GTF2E2: variants seen among roughly 807,000 people sequenced by gnomAD.
The protein encoded by GTF2E2 is transcription initiation factor IIE subunit beta.
A neutral mutation model predicts 40.5 loss-of-function variants in GTF2E2; 21 were observed. That is an observed-to-expected ratio of 0.52 (90% CI 0.37 to 0.75). The LOEUF is 0.75. Among genes scored for constraint, GTF2E2 ranks in the 30% least tolerant of loss-of-function variants. GTF2E2 has a pLI of 0.00. For synonymous variants in GTF2E2, 117 were observed against 121.6 expected (o/e 0.96, Z 0.25); for missense variants, 298 against 338.4 (o/e 0.88, Z 0.94).
At chr8:30,593,962 GCT>G (rs1828921362) in intron 6 of GTF2E2, among the ~76,000 whole-genome samples, 9 of 151,934 alleles carry the variant, frequency 5.9e-5, no homozygotes, top group Admixed American at 4.6e-4. Context: ...ATGGAGTCTT[GCT>G]CTGTCACCCA....
At chr8:30,618,409 A>G (rs10955031) in intron 3 of GTF2E2, among the ~76,000 whole-genome samples, 51,401 of 151,938 alleles carry the variant, frequency 0.34, 8,751 homozygotes, top group African/African-American at 0.4. Context: ...GGACATCCAC[A>G]TTTCCAATCG....
intron 6 of GTF2E2, among the ~76,000 whole-genome samples, chr8:30,599,642 A>T (rs1829115876): frequency 6.6e-6 from 1 of 152,016 alleles, no homozygotes; most frequent in Admixed American, 6.6e-5. Flanking sequence ...GCCAGAAAAA[A>T]TTGTTTTAGA....
At chr8:30,642,925 T>C (rs1008317820) in intron 2 of GTF2E2, among the ~76,000 whole-genome samples, 3 of 152,316 alleles carry the variant, frequency 2.0e-5, no homozygotes, top group Admixed American at 2.0e-4. Flanking sequence ...TTTTAAGCAG[T>C]TCACTTATAC....
rs144658063 is a variant in GTF2E2, at chr8:30,588,501, G to A, written c.644-8105C>T. On this transcript the variant is annotated intron_variant, in intron 6 of 7. Transcript: ENST00000355904. ...AAAAACCGCATGTTTTCACCTCTAC[G>A]TGGAATCTAAAACAATCAGAACTCA... 4.0e-3 allele frequency among the ~76,000 whole-genome samples: 606 copies of A among 152,276 alleles called. 9 individuals are homozygous for A. Among genetic ancestry groups the A allele is most frequent in the Non-Finnish European group, 4.4e-3 (299 of 68,024 alleles).
chr8:30,646,275 T>C (rs13253760), intron 2 of GTF2E2, among the ~76,000 whole-genome samples: 51,490 of 151,932 alleles, frequency 0.34, 8,744 homozygotes, highest in African/African-American at 0.4. Flanking sequence ...CTTCATTTCC[T>C]GAGTTTGTTC....
intron 4 of GTF2E2, 26 bp downstream of exon 4, chr8:30,614,582 C>G (rs1276091815): frequency 8.3e-7 from 1 of 1,206,904 alleles, no homozygotes; most frequent in African/African-American, 1.5e-5. Flanking sequence ...CAGGAAATCT[C>G]TCTTGATAAT....
At chr8:30,609,887 A>G (rs1056534185) in intron 5 of GTF2E2, among the ~76,000 whole-genome samples, 1 of 152,158 alleles carries the variant, frequency 6.6e-6, no homozygotes, top group Admixed American at 6.5e-5. Context: ...CCGGCCATGT[A>G]AGATGAGCCT....
intron 3 of GTF2E2, among the ~76,000 whole-genome samples, chr8:30,633,855 G>A (rs1801509535): frequency 6.6e-6 from 1 of 151,962 alleles, no homozygotes; most frequent in African/African-American, 2.4e-5. Context: ...TTTAATAATG[G>A]GGAGTTATAT....
intron 2 of GTF2E2, among the ~76,000 whole-genome samples, chr8:30,647,456 C>A (rs1306685765): frequency 6.6e-6 from 1 of 152,076 alleles, no homozygotes. Context: ...GGGAATGGGG[C>A]CCCTGTAATC....
At chr8:30,583,282 T>C (rs1828564746) in intron 6 of GTF2E2, among the ~76,000 whole-genome samples, 1 of 152,208 alleles carries the variant, frequency 6.6e-6, no homozygotes, top group African/African-American at 2.4e-5. Flanking sequence ...TGCAGTGAGC[T>C]GAGACTGTGC....
chr8:30,612,697 C>G (rs1178890322), intron 4 of GTF2E2, among the ~76,000 whole-genome samples: 1 of 152,074 alleles, frequency 6.6e-6, no homozygotes. Context: ...CAGGTGCGCA[C>G]CACCACACCC....
intron 3 of GTF2E2, among the ~76,000 whole-genome samples, chr8:30,617,892 C>G (rs551431127): frequency 1.3e-5 from 2 of 152,280 alleles, no homozygotes; most frequent in Non-Finnish European, 2.9e-5. Context: ...AGCTATAGTA[C>G]AGCAGTGGTC....
chr8:30,620,910 CAG>C (rs1406592027), intron 3 of GTF2E2, among the ~76,000 whole-genome samples: 1 of 148,428 alleles, frequency 6.7e-6, no homozygotes, highest in Non-Finnish European at 1.5e-5. Context: ...GCCTGGGAAA[CAG>C]AGTGATATTA....
chr8:30,601,858 G>A (rs556237541), intron 6 of GTF2E2, among the ~76,000 whole-genome samples: 2 of 152,190 alleles, frequency 1.3e-5, no homozygotes, highest in South Asian at 4.1e-4. Context: ...TTAAGGAAGA[G>A]ACCAGTTATG....
chr8:30,617,644 T>C (rs1800959689), intron 3 of GTF2E2, among the ~76,000 whole-genome samples: 1 of 151,742 alleles, frequency 6.6e-6, no homozygotes, highest in Admixed American at 6.6e-5. Flanking sequence ...CCCAGTTCCT[T>C]GGCAGGCTGT....
In GTF2E2 at chr8:30,580,388, T is replaced by G; in HGVS notation, c.652A>C (p.Lys218Gln). The G allele has an allele frequency of 6.5e-7, 1 of 1,530,250 alleles. No homozygotes were observed. The highest frequency in any genetic ancestry group is 9.1e-7 in the Non-Finnish European group (1 of 1,103,570). The allele number at this position is 1,530,250 out of a possible 1,614,324, so 94.8% of individuals were successfully genotyped here. A position where few individuals can be genotyped will look rare whatever the true frequency, so the allele number is the denominator to read the frequency against. The change falls in exon 7 of 8, where the codon AAA becomes CAA. Residue 218 changes from lysine (K) to glutamine (Q), a missense_variant. Lys to Gln is a moderately conservative substitution (Grantham distance 53, BLOSUM62 1). Transcript: ENST00000355904. ...TCTACAGTGACACTCCTCCACAGTT[T>G]CTGAAATTCTGTATCAAACAGACAC... is the stretch of plus-strand genomic sequence containing the variant. The part of the protein sequence containing the change: ...CQFSVDEEFQ[K>Q]LWRSVTVDSM...
rs36082721 is a variant in GTF2E2, at chr8:30,620,258, A to AC, written c.259-5544_259-5543insG. Reference sequence around the variant, plus strand: ...CACACAAACACACACACACACACACAAACACACACACACACGTATACATAC... The same window carrying AC: ...CACACAAACACACACACACACACACACAACACACACACACACGTATACATAC... On this transcript the variant is annotated intron_variant, in intron 3 of 7. Transcript: ENST00000355904. 5.3e-5 allele frequency among the ~76,000 whole-genome samples: 8 copies of AC among 151,736 alleles called. No homozygotes were observed. The East Asian group carries it at 9.7e-4, about 18-fold the overall frequency.
At chr8:30,647,529 T>G (rs1337132126) in intron 2 of GTF2E2, among the ~76,000 whole-genome samples, 1 of 152,130 alleles carries the variant, frequency 6.6e-6, no homozygotes, top group East Asian at 1.9e-4. Flanking sequence ...TGCAGTGAGC[T>G]GAGATCATGC....
At chr8:30,607,504 C>T (rs2151124718) in intron 5 of GTF2E2, among the ~76,000 whole-genome samples, 1 of 152,266 alleles carries the variant, frequency 6.6e-6, no homozygotes, top group Non-Finnish European at 1.5e-5. Flanking sequence ...TGGTCTTGAA[C>T]TCCTGGGCTC....
Sources: allele counts gnomAD v4.1 joint callset (sites outside exome capture counted in the v4.1 genomes callset), GRCh38; gene constraint gnomAD v4.1.1; transcripts MANE v1.5; gene names NCBI Gene and HGNC (gene_info 2026-07-23, HGNC 2026-07-21).